The following RAB3C variants were observed in gnomAD, a reference collection of about 807,000 sequenced individuals.
RAB3C encodes RAB3C, member RAS oncogene family, also known as ras-related protein Rab-3C.
Under a neutral mutation model 26.4 loss-of-function variants are expected in RAB3C, and 17 were observed. The ratio of observed to expected loss-of-function variants is 0.64; its 90% CI spans 0.44 to 0.97. The LOEUF is 0.97. Among genes scored for constraint, RAB3C ranks in the 50% least tolerant of loss-of-function variants. The probability of loss-of-function intolerance (pLI) is 0.00; values close to 1 mark genes in which losing one functional copy is unlikely to be tolerated. For synonymous variants in RAB3C, 91 were observed against 95.9 expected (o/e 0.95, Z 0.30); for missense variants, 242 against 281.9 (o/e 0.86, Z 1.01).
rs529387692 is a variant in RAB3C, at chr5:58,607,957, G to A, written c.25-9686G>A. ...GCACTAAACATGGAAGGAAACAACC[G>A]GTACCAGCCACTGCAAAAACATCCC... On this transcript the variant is annotated intron_variant, in intron 1 of 4. Transcript: ENST00000282878. 7.6e-4 allele frequency among the ~76,000 whole-genome samples: 116 copies of A among 152,154 alleles called. No homozygotes were observed. In the South Asian group the frequency reaches 0.013, roughly 17 times the overall value.
intron 1 of RAB3C, among the ~76,000 whole-genome samples, chr5:58,605,554 T>C (rs1746542556): frequency 6.6e-6 from 1 of 152,032 alleles, no homozygotes; most frequent in African/African-American, 2.4e-5. Flanking sequence ...ATAAAGAATA[T>C]CACAACTTAA....
chr5:58,828,347 G>A (rs972575444), intron 4 of RAB3C, among the ~76,000 whole-genome samples: 16 of 152,068 alleles, frequency 1.1e-4, no homozygotes, highest in Admixed American at 2.6e-4. Context: ...ATGCTGCTTC[G>A]TCAGCATTTA....
intron 1 of RAB3C, among the ~76,000 whole-genome samples, chr5:58,588,892 C>CT (rs906289738): frequency 4.6e-5 from 7 of 152,050 alleles, no homozygotes; most frequent in African/African-American, 7.2e-5. Flanking sequence ...CAAAGACTCT[C>CT]TTTTTTTCCC....
At chr5:58,664,498 G>A (rs796294595) in intron 2 of RAB3C, among the ~76,000 whole-genome samples, 18 of 152,234 alleles carry the variant, frequency 1.2e-4, no homozygotes, top group African/African-American at 4.3e-4. Flanking sequence ...CAGTGGAGGT[G>A]GCTATAAAAG....
chr5:58,797,368 A>AT (rs1464292932), intron 3 of RAB3C, among the ~76,000 whole-genome samples: 3,217 of 21,834 alleles, frequency 0.15, 133 homozygotes, highest in Non-Finnish European at 0.2. Flanking sequence ...GTATATATAT[A>AT]ATATATATAT....
intron 3 of RAB3C, among the ~76,000 whole-genome samples, chr5:58,728,759 G>A (rs1048099349): frequency 4.6e-5 from 7 of 151,872 alleles, no homozygotes; most frequent in Admixed American, 1.3e-4. Flanking sequence ...GCCCATTTCT[G>A]GTTAAGACCA....
intron 2 of RAB3C, among the ~76,000 whole-genome samples, chr5:58,642,805 A>G (rs765647305): frequency 4.6e-5 from 7 of 152,246 alleles, no homozygotes; most frequent in Non-Finnish European, 7.3e-5. Flanking sequence ...AACTAAATAC[A>G]GTATTGAAGT....
intron 2 of RAB3C, among the ~76,000 whole-genome samples, chr5:58,677,654 A>G (rs866231565): frequency 7.2e-5 from 11 of 152,232 alleles, no homozygotes; most frequent in African/African-American, 2.7e-4. Context: ...TTAAGATTGA[A>G]TCACATCACT....
rs1579938115 is a variant in RAB3C, at chr5:58,822,750, A to C, written c.372-2288A>C. The C allele has an allele frequency of 1.1e-5, 6 of 532,172 alleles. No individual in the cohort carries two copies. The East Asian group carries it at 1.7e-4, about 15-fold the overall frequency. 33.0% of individuals were successfully genotyped at this position (532,172 alleles called of 1,614,324 possible). A position where few individuals can be genotyped will look rare whatever the true frequency, so the allele number is the denominator to read the frequency against. Reference sequence around the variant, plus strand: ...TCTGCGCAGCATATGTACATGGTACATGAACTACCAAAATAAGGTGTGAAG... The same window carrying C: ...TCTGCGCAGCATATGTACATGGTACCTGAACTACCAAAATAAGGTGTGAAG... On this transcript the variant is annotated intron_variant, in intron 3 of 4. Coordinates refer to ENST00000282878, the MANE Select transcript of RAB3C (RefSeq NM_138453.4).
intron 3 of RAB3C, among the ~76,000 whole-genome samples, chr5:58,761,943 G>C (rs1474830243): frequency 6.6e-6 from 1 of 150,936 alleles, no homozygotes; most frequent in Non-Finnish European, 1.5e-5. Context: ...ATAATGTTTA[G>C]TAAAATAATA....
intron 2 of RAB3C, among the ~76,000 whole-genome samples, chr5:58,703,447 G>A (rs780771736): frequency 6.6e-6 from 1 of 152,142 alleles, no homozygotes; most frequent in Non-Finnish European, 1.5e-5. Flanking sequence ...CTCCCAAAGC[G>A]CTGGAATTAC....
At chr5:58,591,896 CT>C (rs1561258138) in intron 1 of RAB3C, among the ~76,000 whole-genome samples, 1 of 94,076 alleles carries the variant, frequency 1.1e-5, no homozygotes, top group African/African-American at 4.0e-5. Flanking sequence ...TTTTCTTTTT[CT>C]ATTTTTTTTT....
At chr5:58,745,645 C>A (rs915438324) in intron 3 of RAB3C, among the ~76,000 whole-genome samples, 1 of 152,130 alleles carries the variant, frequency 6.6e-6, no homozygotes. Context: ...AGGCCAGCCA[C>A]GAGGCAGGTA....
At chr5:58,681,605 GTATGAAC>G (rs1262833185) in intron 2 of RAB3C, among the ~76,000 whole-genome samples, 38 of 152,180 alleles carry the variant, frequency 2.5e-4, no homozygotes, top group African/African-American at 9.2e-4. Flanking sequence ...CAAATCTTTA[GTATGAAC>G]TGCCTTGAGC....
At chr5:58,730,767 A>T (rs1431947373) in intron 3 of RAB3C, among the ~76,000 whole-genome samples, 2 of 152,128 alleles carry the variant, frequency 1.3e-5, no homozygotes, top group South Asian at 4.1e-4. Flanking sequence ...TTACACAAAA[A>T]TTCTGGTCTG....
rs1748144395 is a variant in RAB3C at position 58,672,674 on chromosome 5, T to C, written c.253-53328T>C. 2.0e-5 allele frequency among the ~76,000 whole-genome samples: 3 copies of C among 152,218 alleles called. No homozygotes were observed. The South Asian group carries it at 6.2e-4, about 32-fold the overall frequency. On this transcript the variant is annotated intron_variant, in intron 2 of 4. Coordinates refer to ENST00000282878, the MANE Select transcript of RAB3C (RefSeq NM_138453.4). ...AAATAAAAGTTGTATATATTCAAGG[T>C]ATACATGATAATGTGATATACATAA...
chr5:58,637,224 C>A (rs1464969998), intron 2 of RAB3C, among the ~76,000 whole-genome samples: 1 of 151,474 alleles, frequency 6.6e-6, no homozygotes, highest in Admixed American at 6.6e-5. Flanking sequence ...GTAAGCCTTT[C>A]TGGCTTCCTG....
At chr5:58,604,059 T>C (rs1746510639) in intron 1 of RAB3C, among the ~76,000 whole-genome samples, 2 of 152,348 alleles carry the variant, frequency 1.3e-5, no homozygotes, top group East Asian at 3.9e-4. Context: ...TGAGCCAAAC[T>C]GCAGTGATTG....
At chr5:58,740,256 G>A (rs1034166436) in intron 3 of RAB3C, among the ~76,000 whole-genome samples, 5 of 152,164 alleles carry the variant, frequency 3.3e-5, no homozygotes, top group South Asian at 2.1e-4. Flanking sequence ...TGGACCTCAC[G>A]CCTGGGCCTG....
Sources: allele counts gnomAD v4.1 joint callset (sites outside exome capture counted in the v4.1 genomes callset), GRCh38; gene constraint gnomAD v4.1.1; transcripts MANE v1.5; gene names NCBI Gene and HGNC (gene_info 2026-07-23, HGNC 2026-07-21).